Variants in NBAS observed in about 807,000 individuals in gnomAD.
NBAS encodes the protein NAG/BC035112 fusion.
NBAS carries 219 observed loss-of-function variants against 302.5 expected under a neutral mutation model. That is an observed-to-expected ratio of 0.72 (90% CI 0.65 to 0.81). NBAS has a LOEUF of 0.81. Among genes scored for constraint, NBAS ranks in the 30% least tolerant of loss-of-function variants. The pLI is 0.00. For synonymous variants in NBAS, 1,118 were observed against 1,021.6 expected (o/e 1.09, Z -1.80); for missense variants, 2,932 against 2,841.6 (o/e 1.03, Z -0.72).
the NBAS span, among the ~76,000 whole-genome samples, chr2:15,069,552 G>A: frequency 2.0e-5 from 2 of 98,370 alleles, no homozygotes; most frequent in South Asian, 3.4e-4. Context: ...GTTTCAGTGG[G>A]GCTCAAAAAA....
the NBAS span, among the ~76,000 whole-genome samples, chr2:14,839,440 T>C: frequency 6.6e-6 from 1 of 151,982 alleles, no homozygotes; most frequent in East Asian, 1.9e-4. Flanking sequence ...GAAATATCCC[T>C]GAGGACAGCC....
At chr2:14,891,989 C>A in the NBAS span, among the ~76,000 whole-genome samples, 1 of 152,218 alleles carries the variant, frequency 6.6e-6, no homozygotes, top group Non-Finnish European at 1.5e-5. Context: ...CCCATCATCT[C>A]ATTAAACCTC....
chr2:15,450,835 T>G (rs1023878718), intron 21 of NBAS, among the ~76,000 whole-genome samples: 3 of 152,210 alleles, frequency 2.0e-5, no homozygotes, highest in African/African-American at 7.2e-5. Flanking sequence ...TTAAATGAGT[T>G]TACATGTACT....
At chr2:15,528,407 TATTA>T (rs1305449232) in intron 9 of NBAS, among the ~76,000 whole-genome samples, 1 of 147,968 alleles carries the variant, frequency 6.8e-6, no homozygotes, top group African/African-American at 2.5e-5. Context: ...TGAATGTTTA[TATTA>T]TTTATATTAT....
intron 44 of NBAS, among the ~76,000 whole-genome samples, chr2:15,240,902 G>C (rs1206081361): frequency 2.0e-5 from 3 of 152,122 alleles, no homozygotes; most frequent in Admixed American, 6.5e-5. Context: ...CAAAATACTA[G>C]ATCTGTGTTT....
At chr2:15,373,373 T>G (rs1674578281) in intron 31 of NBAS, among the ~76,000 whole-genome samples, 1 of 121,278 alleles carries the variant, frequency 8.2e-6, no homozygotes, top group African/African-American at 3.0e-5. Flanking sequence ...GTCTGTTGCC[T>G]AGGCCGGAAT....
intron 11 of NBAS, among the ~76,000 whole-genome samples, chr2:15,499,564 A>G (rs2148628201): frequency 6.6e-6 from 1 of 152,304 alleles, no homozygotes; most frequent in East Asian, 1.9e-4. Flanking sequence ...CTAAATGATG[A>G]GAACACATAG....
chr2:15,397,504 CT>C, intron 26 of NBAS: 1 of 578,300 alleles, frequency 1.7e-6, no homozygotes. Flanking sequence ...GTGTTCGGTC[CT>C]TGCAGGCTTC....
chr2:14,973,706 T>G, the NBAS span, among the ~76,000 whole-genome samples: 52 of 152,320 alleles, frequency 3.4e-4, 1 homozygote, highest in South Asian at 1.9e-3. Context: ...TATTATTTGT[T>G]GTTAAAGTTT....
the NBAS span, among the ~76,000 whole-genome samples, chr2:14,872,817 G>T: frequency 6.6e-6 from 1 of 152,224 alleles, no homozygotes; most frequent in South Asian, 2.1e-4. Flanking sequence ...CTTCACGAGT[G>T]AAGCTGCAGA....
chr2:15,474,441 T>C (rs1680100500), intron 14 of NBAS, 117 bp from the exon 15 acceptor site: 2 of 1,101,666 alleles, frequency 1.8e-6, no homozygotes, highest in Non-Finnish European at 2.5e-6. Context: ...AAATCAGCTA[T>C]GTGATCAAGA....
At chr2:15,089,363 A>C in the NBAS span, among the ~76,000 whole-genome samples, 1 of 152,176 alleles carries the variant, frequency 6.6e-6, no homozygotes, top group African/African-American at 2.4e-5. Context: ...TAAAATTCAT[A>C]ATCACCCCAA....
chr2:14,958,144 T>C, the NBAS span, among the ~76,000 whole-genome samples: 2,422 of 152,332 alleles, frequency 0.016, 50 homozygotes, highest in Admixed American at 0.044. Context: ...TTTTCTCTTC[T>C]TGTGATTGCC....
At chr2:15,192,869 G>C (rs1299489192) in intron 48 of NBAS, among the ~76,000 whole-genome samples, 1 of 152,006 alleles carries the variant, frequency 6.6e-6, no homozygotes, top group Non-Finnish European at 1.5e-5. Flanking sequence ...ACTTTATATG[G>C]GTTATTTTCT....
the NBAS span, among the ~76,000 whole-genome samples, chr2:14,793,072 C>T: frequency 6.9e-6 from 1 of 144,204 alleles, no homozygotes; most frequent in South Asian, 2.2e-4. Context: ...CTCTGTTTCT[C>T]TCTCTCTCTC....
chr2:14,901,744 G>A, the NBAS span, among the ~76,000 whole-genome samples: 2 of 152,118 alleles, frequency 1.3e-5, no homozygotes, highest in African/African-American at 4.8e-5. Flanking sequence ...TAAATACACA[G>A]CCCACAGCCC....
chr2:15,229,219 G>A (rs924263751), intron 47 of NBAS, among the ~76,000 whole-genome samples: 3 of 151,628 alleles, frequency 2.0e-5, no homozygotes, highest in African/African-American at 7.3e-5. Flanking sequence ...GTGGGCACCT[G>A]TAATCCCGGC....
chr2:15,281,471 T>A (rs886517272), intron 42 of NBAS, among the ~76,000 whole-genome samples: 4 of 152,206 alleles, frequency 2.6e-5, no homozygotes, highest in African/African-American at 9.7e-5. Context: ...AGATGTGCAA[T>A]GTTAGGTTGC....
chr2:15,558,572 A>G lies in NBAS; in HGVS notation c.172+8T>C, dbSNP rs774665553. ...TATCATTACTGTAGAGAAATAAGCTATATTTACCTCGAATTGCTTTCGTGA... is the reference window on the plus strand; with the variant it reads ...TATCATTACTGTAGAGAAATAAGCTGTATTTACCTCGAATTGCTTTCGTGA... On this transcript the variant is annotated splice_region_variant and intron_variant, in intron 2 of 51. Transcript: ENST00000281513. The G allele has an allele frequency of 5.6e-6, 9 of 1,610,754 alleles. No individual in the cohort carries two copies. Among genetic ancestry groups the G allele is most frequent in the South Asian group, 1.1e-5 (1 of 90,524 alleles).
Sources: allele counts gnomAD v4.1 joint callset (sites outside exome capture counted in the v4.1 genomes callset), GRCh38; gene constraint gnomAD v4.1.1; transcripts MANE v1.5; gene names NCBI Gene and HGNC (gene_info 2026-07-23, HGNC 2026-07-21).